Variants in PCDH15 observed in about 807,000 individuals in gnomAD.
PCDH15 encodes protocadherin related 15.
Under a neutral mutation model 178.5 loss-of-function variants are expected in PCDH15, and 129 were observed. That is an observed-to-expected ratio of 0.72 (90% CI 0.63 to 0.84). The LOEUF (loss-of-function observed/expected upper bound fraction) is 0.84, where lower values mean the gene tolerates loss of function less well. Ranked by LOEUF, PCDH15 falls within the 40% of genes least tolerant of loss-of-function variation. The pLI, the probability that PCDH15 is intolerant of heterozygous loss-of-function variation, is 0.00. For synonymous variants in PCDH15, 800 were observed against 732.0 expected (o/e 1.09, Z -1.50); for missense variants, 2,230 against 2,099.9 (o/e 1.06, Z -1.21).
At chr10:54,827,084 T>C (rs1292295834) in intron 3 of PCDH15, among the ~76,000 whole-genome samples, 1 of 152,046 alleles carries the variant, frequency 6.6e-6, no homozygotes, top group Non-Finnish European at 1.5e-5. Context: ...ACATGTGTTG[T>C]AGGGAATGGA....
At chr10:54,522,114 A>T (rs1424158717) in intron 3 of PCDH15, among the ~76,000 whole-genome samples, 2 of 150,832 alleles carry the variant, frequency 1.3e-5, no homozygotes, top group Non-Finnish European at 3.0e-5. Context: ...AAAAAAAGGA[A>T]TAAAATTATC....
chr10:54,383,309 A>G (rs1949464083), intron 3 of PCDH15, among the ~76,000 whole-genome samples: 1 of 152,158 alleles, frequency 6.6e-6, no homozygotes, highest in African/African-American at 2.4e-5. Flanking sequence ...ATTCACAGTA[A>G]CCGTTGATAA....
At chr10:53,906,273 C>G (rs1321255252) in intron 25 of PCDH15, among the ~76,000 whole-genome samples, 1 of 150,636 alleles carries the variant, frequency 6.6e-6, no homozygotes, top group African/African-American at 2.4e-5. Context: ...TTTTGCTTCT[C>G]CCTGATAACT....
In PCDH15 at chr10:54,378,933, A is replaced by T; in HGVS notation, c.167T>A (p.Leu56Gln). 6.2e-7 allele frequency: 1 copy of T among 1,613,750 alleles called. No individual in the cohort carries two copies. The highest frequency in any genetic ancestry group is 8.5e-7 in the Non-Finnish European group (1 of 1,179,770). ...IDEESRNGTI[L>Q]VDNMLIKGTA... ...CCCTTTGATCAGCATGTTGTCCACC[A>T]GAATTGTACCTGCAAACCAAAGAAA... is the stretch of plus-strand genomic sequence containing the variant. Residue 56 changes from leucine to glutamine, a missense_variant, in exon 4 of 38, where the codon CTG becomes CAG. Coordinates refer to ENST00000644397, the MANE Select transcript of PCDH15 (RefSeq NM_001384140.1).
At position 54,674,840 on chromosome 10, in the gene PCDH15, G is replaced by A. The variant is rs191263082; in HGVS notation, c.-28-10550C>T. Among the ~76,000 whole-genome samples, 4 of 151,968 alleles carry A rather than the reference G, an allele frequency of 2.6e-5. No homozygotes were observed. In the South Asian group the frequency reaches 8.3e-4, roughly 31 times the overall value. On this transcript the variant is annotated intron_variant, in intron 1 of 37. Coordinates refer to ENST00000644397, the MANE Select transcript of PCDH15 (RefSeq NM_001384140.1). ...CATGTTGTCCAAGGGTCAATTGTGT[G>A]TAATTTTATAATTGTAAAACTCTGT... is the stretch of plus-strand genomic sequence containing the variant.
intron 25 of PCDH15, among the ~76,000 whole-genome samples, chr10:53,934,749 T>A (rs1165558877): frequency 6.6e-6 from 1 of 152,136 alleles, no homozygotes; most frequent in African/African-American, 2.4e-5. Flanking sequence ...TTAAAATTAC[T>A]CTCTTGGCTA....
At chr10:53,983,471 A>G (rs1214411757) in intron 21 of PCDH15, among the ~76,000 whole-genome samples, 1 of 151,904 alleles carries the variant, frequency 6.6e-6, no homozygotes, top group Non-Finnish European at 1.5e-5. Context: ...GGAATGACCA[A>G]TATGTTTTGA....
At chr10:55,555,545 C>T (rs1458904306) in intron 2 of PCDH15, among the ~76,000 whole-genome samples, 1 of 152,082 alleles carries the variant, frequency 6.6e-6, no homozygotes, top group African/African-American at 2.4e-5. Flanking sequence ...TCTAGAGATG[C>T]CTCTTCTCAA....
intron 26 of PCDH15, among the ~76,000 whole-genome samples, chr10:53,900,741 A>T (rs1306122033): frequency 1.3e-5 from 2 of 152,148 alleles, no homozygotes; most frequent in Non-Finnish European, 2.9e-5. Flanking sequence ...TTTACATAGC[A>T]CAGAGCCCAG....
intron 1 of PCDH15, among the ~76,000 whole-genome samples, chr10:55,203,478 C>A (rs1840309630): frequency 6.6e-6 from 1 of 151,866 alleles, no homozygotes; most frequent in Admixed American, 6.6e-5. Flanking sequence ...CGATATTTGA[C>A]TTGCCTGTGG....
chr10:54,391,825 A>G (rs10740581), intron 3 of PCDH15, among the ~76,000 whole-genome samples: 130,132 of 152,124 alleles, frequency 0.86, 55,886 homozygotes, highest in East Asian at 0.99. Context: ...TGGATGTAAA[A>G]GGCAAACAGA....
intron 8 of PCDH15, among the ~76,000 whole-genome samples, chr10:54,293,343 A>T (rs1564885942): frequency 6.6e-6 from 1 of 152,244 alleles, no homozygotes; most frequent in Non-Finnish European, 1.5e-5. Flanking sequence ...CTTAAATGTT[A>T]GACCTAAAAT....
chr10:54,186,863 A>C (rs2048521788), intron 11 of PCDH15, among the ~76,000 whole-genome samples: 1 of 152,052 alleles, frequency 6.6e-6, no homozygotes, highest in African/African-American at 2.4e-5. Context: ...AAAGTCAATT[A>C]GAAAATGCAT....
At chr10:54,544,518 C>A (rs916825138) in intron 2 of PCDH15, among the ~76,000 whole-genome samples, 14 of 152,230 alleles carry the variant, frequency 9.2e-5, no homozygotes, top group African/African-American at 3.1e-4. Flanking sequence ...CAGACGCCTG[C>A]AATTTTGAAT....
At chr10:53,838,192 G>T (rs1448749615) in intron 29 of PCDH15, among the ~76,000 whole-genome samples, 1 of 151,788 alleles carries the variant, frequency 6.6e-6, no homozygotes, top group Non-Finnish European at 1.5e-5. Flanking sequence ...AGCCAGGATG[G>T]TCTCGATCTC....
At chr10:54,413,629 G>T (rs1157252669) in intron 3 of PCDH15, among the ~76,000 whole-genome samples, 1 of 151,910 alleles carries the variant, frequency 6.6e-6, no homozygotes, top group East Asian at 1.9e-4. Context: ...GCCTTTTTGG[G>T]AATCAATGTA....
chr10:55,547,910 T>TGTGAGAGAGAGAGAGAGAGAGA (rs541144266), intron 2 of PCDH15, among the ~76,000 whole-genome samples: 10 of 54,518 alleles, frequency 1.8e-4, no homozygotes, highest in East Asian at 5.5e-4. Context: ...TGTGTGTGTG[T>TGTGAGAGAGAGAGAGAGAGAGA]GAGAGAGAGA....
chr10:55,144,026 A>AC (rs376407733), intron 2 of PCDH15, among the ~76,000 whole-genome samples: 4 of 151,004 alleles, frequency 2.6e-5, no homozygotes, highest in Admixed American at 6.6e-5. Flanking sequence ...GAAAAAAAAC[A>AC]CACAACATAT....
At position 54,779,442 on chromosome 10, in the gene PCDH15, ATATATACACTCATATAT is replaced by A. The variant is rs1383134536; in HGVS notation, c.-29+21466_-29+21482del. Among the ~76,000 whole-genome samples the A allele has an allele frequency of 5.9e-5, 8 of 135,198 alleles. 1 individual carries two copies. The highest frequency in any genetic ancestry group is 9.6e-5 in the Non-Finnish European group (6 of 62,470). 88.7% of individuals were successfully genotyped at this position (135,198 alleles called of 152,430 possible). On this transcript the variant is annotated intron_variant, in intron 1 of 37. Transcript: ENST00000644397. ...TATATACACACACATATGTGTATAT[ATATATACACTCATATAT>A]GTGTGTATATATATACACACATATA...
Sources: gnomAD v4.1 joint callset for allele counts (sites outside exome capture counted in the v4.1 genomes callset) on GRCh38, gnomAD v4.1.1 for gene constraint, MANE v1.5 for transcripts, NCBI Gene and HGNC (gene_info 2026-07-23, HGNC 2026-07-21) for gene names.